The following CSMD3 variants were observed in gnomAD, a reference collection of about 807,000 sequenced individuals.
CSMD3 encodes CUB and sushi domain-containing protein 3.
A neutral mutation model predicts 435.2 loss-of-function variants in CSMD3; 177 were observed. That is an observed-to-expected ratio of 0.41 (90% CI 0.36 to 0.46). The LOEUF (loss-of-function observed/expected upper bound fraction) is 0.46, where lower values mean the gene tolerates loss of function less well. CSMD3 is among the 20% of genes least tolerant of loss of function. CSMD3 has a pLI of 0.34. For missense variants in CSMD3, 4,265 were observed against 4,504.6 expected (o/e 0.95, Z 1.52); for synonymous variants, 1,656 against 1,520.5 (o/e 1.09, Z -2.07).
At chr8:112,603,809 G>A (rs1353346064) in intron 22 of CSMD3, among the ~76,000 whole-genome samples, 1 of 151,942 alleles carries the variant, frequency 6.6e-6, no homozygotes, top group African/African-American at 2.4e-5. Flanking sequence ...TTGCATATTA[G>A]TGAACCTAAA....
chr8:113,018,896 T>C, intron 6 of CSMD3, 171 bp downstream of exon 6: 2 of 625,994 alleles, frequency 3.2e-6, no homozygotes, highest in South Asian at 3.8e-5. Context: ...CTAACTTTAA[T>C]ACTGTAATTT....
At chr8:113,282,127 T>C (rs1039513466) in intron 2 of CSMD3, among the ~76,000 whole-genome samples, 1 of 151,924 alleles carries the variant, frequency 6.6e-6, no homozygotes, top group Non-Finnish European at 1.5e-5. Context: ...TAATACTGAA[T>C]GGGGAAAAGT....
intron 24 of CSMD3, among the ~76,000 whole-genome samples, chr8:112,571,391 C>T (rs924026098): frequency 6.6e-6 from 1 of 152,092 alleles, no homozygotes; most frequent in Non-Finnish European, 1.5e-5. Context: ...ACAGTTCACA[C>T]TAATGACAAT....
At chr8:112,268,946 C>T (rs903987685) in intron 59 of CSMD3, among the ~76,000 whole-genome samples, 5 of 152,142 alleles carry the variant, frequency 3.3e-5, no homozygotes, top group African/African-American at 7.2e-5. Context: ...AACAATTCTT[C>T]GTTGTGAGGG....
At chr8:113,087,755 C>G (rs934644483) in intron 5 of CSMD3, among the ~76,000 whole-genome samples, 12 of 152,106 alleles carry the variant, frequency 7.9e-5, no homozygotes, top group African/African-American at 1.2e-4. Context: ...CATAAAAACC[C>G]TAGAAGAAAA....
intron 3 of CSMD3, among the ~76,000 whole-genome samples, chr8:113,255,168 C>T (rs958792214): frequency 4.6e-5 from 7 of 151,970 alleles, no homozygotes; most frequent in Non-Finnish European, 1.0e-4. Flanking sequence ...ATAATATTAC[C>T]TTAGACTATC....
intron 10 of CSMD3, among the ~76,000 whole-genome samples, chr8:112,885,354 C>T (rs796746115): frequency 8.8e-6 from 1 of 113,784 alleles, no homozygotes. Flanking sequence ...TATATGTACA[C>T]AAATAGCCAG....
At position 113,086,104 on chromosome 8, in the gene CSMD3, C is replaced by T. The variant is rs543872386; in HGVS notation, c.917+12652G>A. On this transcript the variant is annotated intron_variant, in intron 5 of 70. Coordinates refer to ENST00000297405, the MANE Select transcript of CSMD3 (RefSeq NM_198123.2). The stretch of plus-strand genomic sequence containing the variant: ...TAAACACACACACACAAAAATTAGC[C>T]AGGCGTGGGTGGCGGGCGACTGTAG... Among the ~76,000 whole-genome samples, 577 of 151,954 alleles carry T rather than the reference C, an allele frequency of 3.8e-3. 5 individuals are homozygous for T. The highest frequency in any genetic ancestry group is 0.013 in the African/African-American group (541 of 41,436).
At chr8:113,107,720 T>C (rs1483832182) in intron 4 of CSMD3, among the ~76,000 whole-genome samples, 1 of 152,218 alleles carries the variant, frequency 6.6e-6, no homozygotes, top group Non-Finnish European at 1.5e-5. Flanking sequence ...AGTTTCTATC[T>C]GGATGGAGGC....
intron 70 of CSMD3, among the ~76,000 whole-genome samples, chr8:112,225,222 T>C (rs1455052869): frequency 6.6e-6 from 1 of 152,134 alleles, no homozygotes; most frequent in Non-Finnish European, 1.5e-5. Context: ...GAAATTATTA[T>C]GACTTATCAT....
chr8:112,754,271 T>C (rs1366649410), intron 13 of CSMD3, among the ~76,000 whole-genome samples: 2 of 152,160 alleles, frequency 1.3e-5, no homozygotes, highest in Non-Finnish European at 2.9e-5. Flanking sequence ...CCCTCTCTCA[T>C]GGTGAAACCT....
chr8:112,795,175 C>T (rs2078797023), intron 13 of CSMD3, among the ~76,000 whole-genome samples: 1 of 151,934 alleles, frequency 6.6e-6, no homozygotes, highest in South Asian at 2.1e-4. Flanking sequence ...TTTTATAAAA[C>T]CAACACAAAA....
At chr8:112,454,731 C>G (rs72676610) in intron 32 of CSMD3, among the ~76,000 whole-genome samples, 4 of 152,022 alleles carry the variant, frequency 2.6e-5, no homozygotes, top group African/African-American at 7.2e-5. Flanking sequence ...TGGCTCATTC[C>G]TGTAATTTCA....
At chr8:113,431,646 A>G (rs940827598) in intron 1 of CSMD3, among the ~76,000 whole-genome samples, 1 of 152,226 alleles carries the variant, frequency 6.6e-6, no homozygotes, top group African/African-American at 2.4e-5. Flanking sequence ...TTTGGAGGCT[A>G]AGGAAGTAAA....
At chr8:112,725,503 T>G (rs1452247936) in intron 13 of CSMD3, among the ~76,000 whole-genome samples, 1 of 151,950 alleles carries the variant, frequency 6.6e-6, no homozygotes, top group African/African-American at 2.4e-5. Flanking sequence ...CCCATAGTAG[T>G]TCAAATGGAA....
intron 16 of CSMD3, among the ~76,000 whole-genome samples, chr8:112,676,842 C>G (rs1159267590): frequency 6.6e-6 from 1 of 152,106 alleles, no homozygotes; most frequent in Non-Finnish European, 1.5e-5. Context: ...TACTACATCT[C>G]ATGGCCTGGT....
chr8:112,495,619 C>G (rs1165287419), intron 30 of CSMD3, among the ~76,000 whole-genome samples: 4 of 152,024 alleles, frequency 2.6e-5, no homozygotes, highest in Non-Finnish European at 5.9e-5. Context: ...AGCAATTACA[C>G]CTGGAAATTT....
At chr8:112,282,505 A>ATTTT (rs1563734146) in intron 58 of CSMD3, among the ~76,000 whole-genome samples, 1 of 151,770 alleles carries the variant, frequency 6.6e-6, no homozygotes, top group Admixed American at 6.6e-5. Context: ...AGATAATGTC[A>ATTTT]TCTTTTAAAA....
intron 31 of CSMD3, 34 bp downstream of exon 31, chr8:112,492,455 T>G (rs774105982): frequency 1.9e-6 from 3 of 1,542,840 alleles, no homozygotes; most frequent in Non-Finnish European, 2.7e-6. Context: ...TTTTTTCTAA[T>G]CATGAAAATT....
Sources: allele counts gnomAD v4.1 joint callset (sites outside exome capture counted in the v4.1 genomes callset), GRCh38; gene constraint gnomAD v4.1.1; transcripts MANE v1.5; gene names NCBI Gene and HGNC (gene_info 2026-07-23, HGNC 2026-07-21).